JAK1: variants seen among roughly 807,000 people sequenced by gnomAD.
JAK1 encodes the protein tyrosine-protein kinase JAK1.
Under a neutral mutation model 136.6 loss-of-function variants are expected in JAK1, and 16 were observed. The observed-to-expected ratio is 0.12, with a 90% CI of 0.08 to 0.18. The LOEUF is 0.18. Among genes scored for constraint, JAK1 ranks in the 10% least tolerant of loss-of-function variants. The pLI, the probability that JAK1 is intolerant of heterozygous loss-of-function variation, is 1.00. For missense variants in JAK1, 859 were observed against 1,450.1 expected, an observed-to-expected ratio of 0.59 and a Z score of 6.62; for synonymous variants, 492 against 519.5, an observed-to-expected ratio of 0.95 and a Z score of 0.72.
chr1:64,843,807 T>G (rs755990108), intron 17 of JAK1, among the ~76,000 whole-genome samples: 2 of 152,220 alleles, frequency 1.3e-5, no homozygotes, highest in African/African-American at 2.4e-5. Flanking sequence ...ACTGCATGCC[T>G]GTCACTCTAT....
intron 2 of JAK1, among the ~76,000 whole-genome samples, chr1:64,885,695 C>T (rs310197): frequency 6.7e-6 from 1 of 150,208 alleles, no homozygotes; most frequent in Non-Finnish European, 1.5e-5. Context: ...CGGAGGTTGC[C>T]GCGAGCCGAG....
At chr1:64,931,082 G>A (rs1301026328) in intron 1 of JAK1, among the ~76,000 whole-genome samples, 1 of 152,066 alleles carries the variant, frequency 6.6e-6, no homozygotes, top group African/African-American at 2.4e-5. Flanking sequence ...AACCACCATG[G>A]CACGTGTATA....
chr1:65,015,377 A>G (rs1008939158), intron 2 of JAK1, among the ~76,000 whole-genome samples: 1 of 152,198 alleles, frequency 6.6e-6, no homozygotes, highest in African/African-American at 2.4e-5. Flanking sequence ...TTAGTGACTA[A>G]CTTTTTACTT....
intron 12 of JAK1, 78 bp downstream of exon 12, chr1:64,850,726 C>A: frequency 1.1e-6 from 1 of 939,994 alleles, no homozygotes; most frequent in Non-Finnish European, 1.7e-6. Flanking sequence ...CACAGCCTTC[C>A]TTCCCCCAGA....
intron 2 of JAK1, chr1:64,985,378 G>C (rs936485565): frequency 5.0e-6 from 8 of 1,610,992 alleles, no homozygotes; most frequent in Non-Finnish European, 6.8e-6. Flanking sequence ...TTCATCTCCT[G>C]GATGTCTTGG....
At chr1:64,926,775 T>C (rs1240843069) in intron 1 of JAK1, among the ~76,000 whole-genome samples, 1 of 152,208 alleles carries the variant, frequency 6.6e-6, no homozygotes, top group African/African-American at 2.4e-5. Context: ...TGTGTTTGAA[T>C]CCCAGCTCTA....
chr1:64,920,073 A>G (rs1029441502), intron 1 of JAK1, among the ~76,000 whole-genome samples: 1 of 152,260 alleles, frequency 6.6e-6, no homozygotes, highest in Non-Finnish European at 1.5e-5. Context: ...ATGAAAAAGT[A>G]GCTCCCTATT....
At chr1:64,859,858 T>G in intron 9 of JAK1, 1 of 317,224 alleles carries the variant, frequency 3.2e-6, no homozygotes, top group Non-Finnish European at 5.8e-6. Flanking sequence ...TATGGAGAGG[T>G]GAGGGGGTTA....
intron 1 of JAK1, among the ~76,000 whole-genome samples, chr1:64,954,811 C>T (rs1212463162): frequency 2.0e-5 from 3 of 152,154 alleles, no homozygotes; most frequent in Non-Finnish European, 4.4e-5. Context: ...TGGATAGCAA[C>T]TAAAAACAGG....
intron 1 of JAK1, among the ~76,000 whole-genome samples, chr1:64,909,646 C>A (rs1243173327): frequency 1.7e-5 from 2 of 120,094 alleles, no homozygotes; most frequent in South Asian, 3.0e-4. Context: ...CATAGTGAAA[C>A]CCCCTCTCTC....
chr1:65,010,608 T>A (rs887882470), intron 2 of JAK1, among the ~76,000 whole-genome samples: 1 of 152,214 alleles, frequency 6.6e-6, no homozygotes, highest in East Asian at 1.9e-4. Flanking sequence ...AAATAATAAC[T>A]GTTCATTGTT....
chr1:65,014,536 T>C (rs907812539), intron 2 of JAK1, among the ~76,000 whole-genome samples: 9 of 151,836 alleles, frequency 5.9e-5, no homozygotes, highest in African/African-American at 1.9e-4. Context: ...AGGAAAAAAT[T>C]TGAGGTCAGG....
rs1223986198 is a variant in JAK1 at position 64,983,234 on chromosome 1, C to T, written c.-78+61246G>A. On this transcript the variant is annotated intron_variant, in intron 2 of 25. Transcript: ENST00000671954. ...GTGACAGTGCACATACATTCATACTCTCAAGTATGGGCTACACTGCACACT... is the reference window on the plus strand; with the variant it reads ...GTGACAGTGCACATACATTCATACTTTCAAGTATGGGCTACACTGCACACT... 2.0e-5 allele frequency among the ~76,000 whole-genome samples: 3 copies of T among 152,240 alleles called. No homozygotes were observed. In the East Asian group the frequency reaches 5.8e-4, roughly 29 times the overall value.
chr1:65,051,881 C>T (rs987458469), intron 1 of JAK1, among the ~76,000 whole-genome samples: 1 of 152,174 alleles, frequency 6.6e-6, no homozygotes, highest in Non-Finnish European at 1.5e-5. Context: ...AACATATTTA[C>T]ATTAGAAGCA....
At chr1:64,900,442 AG>A (rs56353233) in intron 1 of JAK1, among the ~76,000 whole-genome samples, 25,408 of 152,086 alleles carry the variant, frequency 0.17, 2,528 homozygotes, top group East Asian at 0.28. Flanking sequence ...ACAAGACTTA[AG>A]CATTTCATGA....
At chr1:65,011,442 C>T (rs563806730) in intron 2 of JAK1, among the ~76,000 whole-genome samples, 24 of 152,012 alleles carry the variant, frequency 1.6e-4, no homozygotes, top group Non-Finnish European at 3.4e-4. Context: ...AGAGCAACAC[C>T]CTGTCTCAAA....
intron 1 of JAK1, among the ~76,000 whole-genome samples, chr1:64,934,878 C>A (rs780334581): frequency 6.6e-6 from 1 of 152,218 alleles, no homozygotes; most frequent in African/African-American, 2.4e-5. Flanking sequence ...GTGCCTAGAA[C>A]ATAGTAAGTG....
chr1:64,934,030 G>GA (rs1645744290), intron 1 of JAK1, among the ~76,000 whole-genome samples: 1 of 152,206 alleles, frequency 6.6e-6, no homozygotes, highest in Non-Finnish European at 1.5e-5. Flanking sequence ...GGAGCTGACA[G>GA]AAAGTGACCC....
At chr1:64,928,797 C>CAAAAAAAAAAA (rs397953329) in intron 1 of JAK1, among the ~76,000 whole-genome samples, 3 of 80,818 alleles carry the variant, frequency 3.7e-5, no homozygotes, top group Non-Finnish European at 5.1e-5. Flanking sequence ...AAAAAAAAAA[C>CAAAAAAAAAAA]AAAAAAAAAA....
Sources: allele counts gnomAD v4.1 joint callset (sites outside exome capture counted in the v4.1 genomes callset), GRCh38; gene constraint gnomAD v4.1.1; transcripts MANE v1.5; gene names NCBI Gene and HGNC (gene_info 2026-07-23, HGNC 2026-07-21).